Variants in MIPEP observed in about 807,000 individuals in gnomAD.
MIPEP encodes the protein mitochondrial intermediate peptidase.
In MIPEP, 79 loss-of-function variants were observed where a neutral mutation model predicts 90.3. That is an observed-to-expected ratio of 0.87 (90% CI 0.73 to 1.05). MIPEP has a LOEUF of 1.05. MIPEP is among the 50% of genes least tolerant of loss of function. MIPEP has a pLI of 0.00. For missense variants in MIPEP, 940 were observed against 905.6 expected, an observed-to-expected ratio of 1.04 and a Z score of -0.49; for synonymous variants, 334 against 315.8, an observed-to-expected ratio of 1.06 and a Z score of -0.61.
intron 16 of MIPEP, among the ~76,000 whole-genome samples, chr13:23,792,726 A>T (rs1952911572): frequency 6.6e-6 from 1 of 151,874 alleles, no homozygotes. Flanking sequence ...GTAATTTTCA[A>T]CTCACTTCTT....
chr13:23,779,625 C>T (rs188213251), intron 16 of MIPEP, among the ~76,000 whole-genome samples: 2 of 151,866 alleles, frequency 1.3e-5, no homozygotes, highest in African/African-American at 4.8e-5. Flanking sequence ...ACAGTGGGTG[C>T]AGCCCACCGA....
intron 5 of MIPEP, among the ~76,000 whole-genome samples, chr13:23,871,107 G>A (rs887456824): frequency 1.3e-5 from 2 of 152,200 alleles, no homozygotes; most frequent in African/African-American, 4.8e-5. Context: ...GAAGCAGACT[G>A]GAACCCCAGG....
chr13:23,825,150 G>A (rs561206453), intron 14 of MIPEP, among the ~76,000 whole-genome samples: 6 of 152,324 alleles, frequency 3.9e-5, no homozygotes, highest in Admixed American at 1.3e-4. Flanking sequence ...CTGGTCTAAA[G>A]CCAGCTGTGT....
At chr13:23,774,204 T>A (rs1164533674) in intron 16 of MIPEP, among the ~76,000 whole-genome samples, 2 of 152,294 alleles carry the variant, frequency 1.3e-5, no homozygotes, top group South Asian at 4.1e-4. Context: ...CAATTAGTTG[T>A]CAACTGAACA....
chr13:23,858,739 G>C (rs1311522649), intron 10 of MIPEP, 121 bp downstream of exon 10: 14 of 792,318 alleles, frequency 1.8e-5, no homozygotes, highest in East Asian at 2.6e-5. Flanking sequence ...CACGCCAGCA[G>C]AAAGAATGGT....
At chr13:23,804,006 A>G (rs1451182177) in intron 16 of MIPEP, among the ~76,000 whole-genome samples, 2 of 152,208 alleles carry the variant, frequency 1.3e-5, no homozygotes, top group African/African-American at 4.8e-5. Context: ...GTAAAGAGAT[A>G]CATCTTTCTA....
At chr13:23,809,413 C>T (rs180891527) in intron 15 of MIPEP, among the ~76,000 whole-genome samples, 93 of 150,956 alleles carry the variant, frequency 6.2e-4, no homozygotes, top group African/African-American at 2.1e-3. Flanking sequence ...GGCAAGATCT[C>T]GGCTCACTTC....
At chr13:23,831,386 G>GGGGGGGC (rs67059706) in intron 14 of MIPEP, among the ~76,000 whole-genome samples, 22,730 of 68,616 alleles carry the variant, frequency 0.33, 3,290 homozygotes, top group Non-Finnish European at 0.44. Flanking sequence ...CCCATGGCGG[G>GGGGGGGC]GGGGGGATGT....
At chr13:23,775,785 A>G (rs1273618984) in intron 16 of MIPEP, among the ~76,000 whole-genome samples, 1 of 152,226 alleles carries the variant, frequency 6.6e-6, no homozygotes, top group Non-Finnish European at 1.5e-5. Flanking sequence ...TCCAAGAATA[A>G]AGCAAAAACA....
chr13:23,828,781 A>T (rs1868595757), intron 14 of MIPEP, among the ~76,000 whole-genome samples: 1 of 152,248 alleles, frequency 6.6e-6, no homozygotes, highest in Admixed American at 6.5e-5. Flanking sequence ...AACTCTTACC[A>T]GAATTTTTCA....
Position 23,790,608 on chromosome 13 carries a change from A to C in MIPEP, c.1848+15342T>G, listed in dbSNP as rs148896133. On this transcript the variant is annotated intron_variant, in intron 16 of 18. Transcript: ENST00000382172. ...AGAAGGAGGGGGAGGCAATGTGATG[A>C]GGGAAGCAGAGAATGCAGCCTGTGG... Among the ~76,000 whole-genome samples, 1,166 of 152,310 alleles carry C rather than the reference A, an allele frequency of 7.7e-3. 15 individuals carry two copies. Among genetic ancestry groups the C allele is most frequent in the African/African-American group, 0.027 (1,104 of 41,566 alleles).
At chr13:23,873,458 G>A (rs936653969) in intron 5 of MIPEP, among the ~76,000 whole-genome samples, 8 of 152,098 alleles carry the variant, frequency 5.3e-5, no homozygotes, top group African/African-American at 9.7e-5. Flanking sequence ...ACAAAATAAC[G>A]TCCCACAACC....
At chr13:23,764,789 C>T (rs933034872) in intron 16 of MIPEP, among the ~76,000 whole-genome samples, 2 of 152,140 alleles carry the variant, frequency 1.3e-5, no homozygotes, top group African/African-American at 4.8e-5. Flanking sequence ...TTTTGAACTC[C>T]TGGCCTCAAG....
intron 12 of MIPEP, 141 bp from the exon 13 acceptor site, chr13:23,837,897 C>T: frequency 1.7e-6 from 1 of 604,070 alleles, no homozygotes; most frequent in Non-Finnish European, 2.8e-6. Context: ...TATCTATTTA[C>T]ATATATACAC....
intron 1 of MIPEP, among the ~76,000 whole-genome samples, chr13:23,887,488 G>A (rs1354647063): frequency 6.6e-6 from 1 of 152,126 alleles, no homozygotes; most frequent in Non-Finnish European, 1.5e-5. Flanking sequence ...GACAGAACTC[G>A]AACCCGCTCT....
intron 9 of MIPEP, among the ~76,000 whole-genome samples, chr13:23,861,145 G>T (rs144362415): frequency 1.7e-3 from 265 of 152,218 alleles, no homozygotes; most frequent in Non-Finnish European, 2.8e-3. Flanking sequence ...CAGAGCAGCA[G>T]GGTGAATGGT....
intron 16 of MIPEP, among the ~76,000 whole-genome samples, chr13:23,791,307 CT>C (rs1428194381): frequency 6.6e-6 from 1 of 152,214 alleles, no homozygotes; most frequent in African/African-American, 2.4e-5. Flanking sequence ...ACCAGTGGCA[CT>C]AACCCCACTT....
chr13:23,761,471 G>A (rs1952542505), intron 16 of MIPEP, among the ~76,000 whole-genome samples: 1 of 152,186 alleles, frequency 6.6e-6, no homozygotes, highest in Admixed American at 6.5e-5. Flanking sequence ...CAGAGAGAGA[G>A]CATCCATTCT....
chr13:23,885,141 T>A (rs1402961091), intron 2 of MIPEP, among the ~76,000 whole-genome samples: 1 of 152,234 alleles, frequency 6.6e-6, no homozygotes, highest in Non-Finnish European at 1.5e-5. Context: ...TGAGATTATG[T>A]CATTTTCAAC....
Sources: allele counts gnomAD v4.1 joint callset (sites outside exome capture counted in the v4.1 genomes callset), GRCh38; gene constraint gnomAD v4.1.1; transcripts MANE v1.5; gene names NCBI Gene and HGNC (gene_info 2026-07-23, HGNC 2026-07-21).